CBFA2T3: variants seen among roughly 807,000 people sequenced by gnomAD.
The protein encoded by CBFA2T3 is transcriptional corepressor CBFA2T3.
A neutral mutation model predicts 58.6 loss-of-function variants in CBFA2T3; 31 were observed. That is an observed-to-expected ratio of 0.53 (90% CI 0.40 to 0.71). The LOEUF is 0.71. CBFA2T3 is among the 30% of genes least tolerant of loss of function. CBFA2T3 has a pLI of 0.00. For synonymous variants in CBFA2T3, 531 were observed against 421.9 expected, an observed-to-expected ratio of 1.26 and a Z score of -3.17; for missense variants, 1,076 against 963.1, an observed-to-expected ratio of 1.12 and a Z score of -1.55.
chr16:88,882,792 C>A, intron 7 of CBFA2T3, 31 bp from the exon 8 acceptor site: 2 of 1,388,214 alleles, frequency 1.4e-6, no homozygotes, highest in Non-Finnish European at 2.0e-6. Flanking sequence ...CGCTTAGGTC[C>A]CACCCACAGC....
chr16:88,929,274 T>C (rs1278049238), intron 1 of CBFA2T3, among the ~76,000 whole-genome samples: 1 of 122,904 alleles, frequency 8.1e-6, no homozygotes, highest in African/African-American at 3.5e-5. Flanking sequence ...GCCCGTGACC[T>C]CAGGCAAACG....
chr16:88,881,121 G>C (rs1387047023), intron 9 of CBFA2T3, 170 bp downstream of exon 9: 5 of 751,048 alleles, frequency 6.7e-6, no homozygotes, highest in South Asian at 1.5e-5. Context: ...TGAGCTCCAG[G>C]CTTCCTGGCA....
intron 1 of CBFA2T3, among the ~76,000 whole-genome samples, chr16:88,959,718 G>A (rs1972314292): frequency 6.6e-6 from 1 of 152,194 alleles, no homozygotes; most frequent in African/African-American, 2.4e-5. Flanking sequence ...GACGGTATCT[G>A]GGATTACAGG....
chr16:88,966,837 C>G (rs1972516662), intron 1 of CBFA2T3, among the ~76,000 whole-genome samples: 3 of 152,188 alleles, frequency 2.0e-5, no homozygotes, highest in African/African-American at 7.2e-5. Context: ...ACGCCCACTG[C>G]TGCCCCTCAG....
chr16:88,879,148 G>A (rs1968962652), intron 11 of CBFA2T3, 122 bp downstream of exon 11: 1 of 831,608 alleles, frequency 1.2e-6, no homozygotes, highest in Non-Finnish European at 1.9e-6. Context: ...CGTGCCTGCT[G>A]CAGGATGCCC....
rs58084423 is a variant in CBFA2T3 at position 88,957,093 on chromosome 16, C to T, written c.151+19564G>A. ...CACGCTCTCTCCCGGAACAAAACCG[C>T]CCTTGGGCTTCAGGCCCCAGAGGTT... On this transcript the variant is annotated intron_variant, in intron 1 of 11. Coordinates refer to ENST00000268679, the MANE Select transcript of CBFA2T3 (RefSeq NM_005187.6). Among the ~76,000 whole-genome samples, 1,249 of 152,354 alleles carry T rather than the reference C, an allele frequency of 8.2e-3. 17 individuals are homozygous for T. The highest frequency in any genetic ancestry group is 0.031 in the Middle Eastern group (9 of 294).
rs180952624 is a variant in CBFA2T3 at position 88,875,113 on chromosome 16, C to T, written c.*1863G>A. ...CACAGATGCCAGGCCACGGGCCACGCCACACACACAGATGCCAGGCCACGG... is the reference window on the plus strand; with the variant it reads ...CACAGATGCCAGGCCACGGGCCACGTCACACACACAGATGCCAGGCCACGG... On this transcript the variant is annotated 3_prime_UTR_variant, in exon 12 of 12. Transcript: ENST00000268679. The T allele has an allele frequency of 4.2e-6, 1 of 237,204 alleles. No homozygotes were observed. The highest frequency in any genetic ancestry group is 2.2e-5 in the African/African-American group (1 of 45,080). 14.7% of individuals were successfully genotyped at this position (237,204 alleles called of 1,614,324 possible).
intron 1 of CBFA2T3, among the ~76,000 whole-genome samples, chr16:88,970,148 G>C (rs184203002): frequency 6.6e-6 from 1 of 152,376 alleles, no homozygotes; most frequent in African/African-American, 2.4e-5. Flanking sequence ...CGGCTGCTCT[G>C]CAGCTGTCCT....
chr16:88,881,152 C>G lies in CBFA2T3; in HGVS notation c.1402+139G>C, dbSNP rs771526908. ...TGGCAGACCAGCCCGTGTTTTCCTA[C>G]AAAGTGAAAAAGGTGCCTCTTTCTC... On this transcript the variant is annotated intron_variant, in intron 9 of 11. Transcript: ENST00000268679. 1.9e-5 allele frequency: 16 copies of G among 835,178 alleles called. No homozygotes were observed. In the African/African-American group the frequency reaches 2.3e-4, roughly 12 times the overall value. 51.7% of individuals were successfully genotyped at this position (835,178 alleles called of 1,614,324 possible). A position where few individuals can be genotyped will look rare whatever the true frequency, so the allele number is the denominator to read the frequency against.
chr16:88,920,737 G>T (rs986338829), intron 1 of CBFA2T3, among the ~76,000 whole-genome samples: 1 of 152,232 alleles, frequency 6.6e-6, no homozygotes, highest in Non-Finnish European at 1.5e-5. Flanking sequence ...AGCCACACCT[G>T]CCTGCTCCTG....
intron 1 of CBFA2T3, among the ~76,000 whole-genome samples, chr16:88,905,085 A>G (rs1397844282): frequency 1.3e-5 from 2 of 151,612 alleles, no homozygotes; most frequent in African/African-American, 4.8e-5. Context: ...GGCCAAGAGA[A>G]CAGCCTAGGA....
chr16:88,971,036 G>C (rs547570242), intron 1 of CBFA2T3, among the ~76,000 whole-genome samples: 11 of 152,286 alleles, frequency 7.2e-5, no homozygotes, highest in Admixed American at 7.2e-4. Flanking sequence ...AGGCCGACGC[G>C]GTGGGGTCGG....
chr16:88,901,474 G>A, intron 2 of CBFA2T3, 30 bp downstream of exon 2: 2 of 1,322,552 alleles, frequency 1.5e-6, no homozygotes, highest in Non-Finnish European at 2.0e-6. Context: ...GAAACACCTG[G>A]CCCTCGGCTG....
chr16:88,892,135 C>T (rs1003715246), intron 4 of CBFA2T3, 109 bp downstream of exon 4: 51 of 1,450,072 alleles, frequency 3.5e-5, no homozygotes, highest in Admixed American at 1.6e-4. Flanking sequence ...AGCGGGTCCA[C>T]GCCCGGTTGT....
At chr16:88,892,143 TG>T in intron 4 of CBFA2T3, 100 bp downstream of exon 4, 1 of 1,457,764 alleles carries the variant, frequency 6.9e-7, no homozygotes. Flanking sequence ...CACGCCCGGT[TG>T]TCAGCGTGGA....
Position 88,898,123 on chromosome 16 carries a change from G to T in CBFA2T3, c.334C>A (p.His112Asn). 6.2e-7 allele frequency: 1 copy of T among 1,613,112 alleles called. No individual in the cohort carries two copies. Residue 112 changes from histidine to asparagine, a missense_variant, in exon 3 of 12, where the codon CAC (histidine) becomes AAC (asparagine). Coordinates refer to ENST00000268679, the MANE Select transcript of CBFA2T3 (RefSeq NM_005187.6). ...TTTAAGCAGCCATGAAAACGGCCGT[G>T]GGGCAGCGTCGCAGGCCCGTCCTCT... is the stretch of plus-strand genomic sequence containing the variant. ...HREDGPATLP[H>N]GRFHGCLKWS...
At chr16:88,960,787 C>T (rs954428297) in intron 1 of CBFA2T3, among the ~76,000 whole-genome samples, 10 of 152,340 alleles carry the variant, frequency 6.6e-5, no homozygotes, top group Admixed American at 4.6e-4. Flanking sequence ...TTTACACCCC[C>T]GTTAGGTTTT....
intron 1 of CBFA2T3, among the ~76,000 whole-genome samples, chr16:88,972,170 C>G (rs935765409): frequency 1.3e-5 from 2 of 152,120 alleles, no homozygotes; most frequent in Admixed American, 1.3e-4. Flanking sequence ...GCGGAGCATT[C>G]CAGCAGCCAC....
At chr16:88,892,580 A>G (rs1276084099) in intron 3 of CBFA2T3, 95 bp from the exon 4 acceptor site, 3 of 1,397,480 alleles carry the variant, frequency 2.1e-6, no homozygotes, top group Non-Finnish European at 3.0e-6. Context: ...CTAAGGTGAC[A>G]ATGTCAAAAG....
Sources: gnomAD v4.1 joint callset for allele counts (sites outside exome capture counted in the v4.1 genomes callset) on GRCh38, gnomAD v4.1.1 for gene constraint, MANE v1.5 for transcripts, NCBI Gene and HGNC (gene_info 2026-07-23, HGNC 2026-07-21) for gene names.